Variants in RALGAPA2 observed in about 807,000 individuals in gnomAD.
The protein encoded by RALGAPA2 is ral GTPase-activating protein subunit alpha-2.
Under a neutral mutation model 230.4 loss-of-function variants are expected in RALGAPA2, and 139 were observed. The observed-to-expected ratio is 0.60, with a 90% CI of 0.53 to 0.69. The LOEUF (loss-of-function observed/expected upper bound fraction) is 0.69. Among genes scored for constraint, RALGAPA2 ranks in the 30% least tolerant of loss-of-function variants. The probability of loss-of-function intolerance (pLI) is 0.00; values close to 1 mark genes in which losing one functional copy is unlikely to be tolerated. For synonymous variants in RALGAPA2, 847 were observed against 837.8 expected, an observed-to-expected ratio of 1.01 and a Z score of -0.19; for missense variants, 2,163 against 2,276.0, an observed-to-expected ratio of 0.95 and a Z score of 1.01.
chr20:20,536,030 A>C (rs568767239), intron 25 of RALGAPA2, among the ~76,000 whole-genome samples: 1 of 152,282 alleles, frequency 6.6e-6, no homozygotes, highest in South Asian at 2.1e-4. Context: ...AGCCCGCGGG[A>C]GTAGAGCGCT....
intron 38 of RALGAPA2, among the ~76,000 whole-genome samples, chr20:20,406,980 A>G (rs996928423): frequency 9.9e-5 from 15 of 152,236 alleles, no homozygotes; most frequent in African/African-American, 3.4e-4. Context: ...AAGAGCTGGT[A>G]GCTACGGCTC....
chr20:20,415,771 G>C (rs1000664377), intron 37 of RALGAPA2, among the ~76,000 whole-genome samples: 3 of 152,126 alleles, frequency 2.0e-5, no homozygotes, highest in Non-Finnish European at 4.4e-5. Flanking sequence ...TACTAAAGAG[G>C]TTATACGCCT....
At chr20:20,547,119 G>C (rs924545345) in intron 23 of RALGAPA2, among the ~76,000 whole-genome samples, 38 of 152,120 alleles carry the variant, frequency 2.5e-4, no homozygotes, top group African/African-American at 8.9e-4. Flanking sequence ...TAGGCTCCTT[G>C]GACAAGCTAC....
intron 9 of RALGAPA2, among the ~76,000 whole-genome samples, chr20:20,631,640 C>A (rs2045002594): frequency 6.6e-6 from 1 of 152,184 alleles, no homozygotes; most frequent in African/African-American, 2.4e-5. Context: ...GAACACAGAT[C>A]TGCCAATAAC....
At chr20:20,503,947 A>G (rs964261027) in intron 34 of RALGAPA2, among the ~76,000 whole-genome samples, 3 of 152,200 alleles carry the variant, frequency 2.0e-5, no homozygotes, top group Non-Finnish European at 4.4e-5. Context: ...AATCCTTGCT[A>G]AACTGCCTTT....
intron 26 of RALGAPA2, 60 bp downstream of exon 26, chr20:20,535,685 C>G (rs1381343590): frequency 2.7e-5 from 41 of 1,514,432 alleles, no homozygotes; most frequent in Non-Finnish European, 3.6e-5. Context: ...ACATTAACTA[C>G]TTACACATAA....
intron 23 of RALGAPA2, among the ~76,000 whole-genome samples, chr20:20,560,062 C>T (rs1602795121): frequency 6.6e-6 from 1 of 152,122 alleles, no homozygotes; most frequent in East Asian, 1.9e-4. Flanking sequence ...AAGGCAGCCC[C>T]TGCCTTCCAG....
chr20:20,497,144 A>T (rs901422006), intron 35 of RALGAPA2, among the ~76,000 whole-genome samples: 3 of 152,152 alleles, frequency 2.0e-5, no homozygotes, highest in Non-Finnish European at 4.4e-5. Context: ...ACAAAATACA[A>T]CCCTGGGCCT....
chr20:20,583,644 C>A (rs907236475), intron 19 of RALGAPA2, among the ~76,000 whole-genome samples: 3 of 152,100 alleles, frequency 2.0e-5, no homozygotes, highest in Non-Finnish European at 4.4e-5. Context: ...ATGCTGTATG[C>A]CCCAAGCCTG....
At chr20:20,444,795 T>C (rs1414658899) in intron 37 of RALGAPA2, among the ~76,000 whole-genome samples, 1 of 152,242 alleles carries the variant, frequency 6.6e-6, no homozygotes, top group East Asian at 1.9e-4. Context: ...GTGACTTCCT[T>C]TTCCATAAGT....
chr20:20,509,672 G>A (rs1306575238), intron 33 of RALGAPA2, among the ~76,000 whole-genome samples: 1 of 152,126 alleles, frequency 6.6e-6, no homozygotes, highest in Non-Finnish European at 1.5e-5. Flanking sequence ...TGGGAGACAG[G>A]TGGGAAAGTA....
chr20:20,461,348 TA>T (rs2061298584), intron 37 of RALGAPA2, among the ~76,000 whole-genome samples: 1 of 152,240 alleles, frequency 6.6e-6, no homozygotes, highest in Non-Finnish European at 1.5e-5. Flanking sequence ...ATATTCTTAT[TA>T]AAATTGGTTT....
rs1393065059 is a variant in RALGAPA2, at chr20:20,616,039, T to C, written c.1688+4A>G. 1 of 1,482,778 alleles carries C rather than the reference T, an allele frequency of 6.7e-7. No homozygotes were observed. Among genetic ancestry groups the C allele is most frequent in the Admixed American group, 2.7e-5 (1 of 37,502 alleles). 91.9% of individuals were successfully genotyped at this position (1,482,778 alleles called of 1,614,324 possible). On this transcript the variant is annotated splice_donor_region_variant and intron_variant, in intron 13 of 39. Coordinates refer to ENST00000202677, the MANE Select transcript of RALGAPA2 (RefSeq NM_020343.4). ...CAATACTAATTAATTTGATATAAAC[T>C]TACCATGTCTTTTTATTCATTGTAA...
chr20:20,598,983 T>C (rs2065549947), intron 16 of RALGAPA2, among the ~76,000 whole-genome samples: 1 of 152,222 alleles, frequency 6.6e-6, no homozygotes, highest in African/African-American at 2.4e-5. Flanking sequence ...TTGTAGTCTC[T>C]AAATACAGCC....
intron 2 of RALGAPA2, among the ~76,000 whole-genome samples, chr20:20,678,053 C>A (rs1394479584): frequency 2.0e-5 from 3 of 152,032 alleles, no homozygotes; most frequent in African/African-American, 7.2e-5. Flanking sequence ...ATGCTATAAT[C>A]CAGGTGAGGA....
intron 35 of RALGAPA2, among the ~76,000 whole-genome samples, chr20:20,499,783 C>A (rs573225481): frequency 6.6e-6 from 1 of 152,186 alleles, no homozygotes; most frequent in Non-Finnish European, 1.5e-5. Context: ...TTGATCACTA[C>A]GGAAGTTGTC....
Position 20,605,184 on chromosome 20 carries a change from G to T in RALGAPA2, c.2029C>A (p.Arg677=), listed in dbSNP as rs199741379. 9 of 1,605,394 alleles carry T rather than the reference G, an allele frequency of 5.6e-6. No homozygotes were observed. Among genetic ancestry groups the T allele is most frequent in the Middle Eastern group, 1.7e-4 (1 of 6,044 alleles). Residue 677 remains arginine, a synonymous_variant, in exon 15 of 40, where the codon CGA becomes AGA. Coordinates refer to ENST00000202677, the MANE Select transcript of RALGAPA2 (RefSeq NM_020343.4). Reference sequence around the variant, plus strand: ...GGAAGAGTGGAAATACCTTTGCCTCGTTGCTTCTTTTCCTTTTGTTCACTT... The same window carrying T: ...GGAAGAGTGGAAATACCTTTGCCTCTTTGCTTCTTTTCCTTTTGTTCACTT... ...KLSEQKEKKQ[R]GKGCVLDPQK...
intron 1 of RALGAPA2, among the ~76,000 whole-genome samples, chr20:20,699,544 A>G (rs1448443029): frequency 6.6e-6 from 1 of 152,210 alleles, no homozygotes; most frequent in Non-Finnish European, 1.5e-5. Context: ...TAAAGAAGCA[A>G]TGTATGTCTT....
intron 4 of RALGAPA2, among the ~76,000 whole-genome samples, chr20:20,644,835 C>T (rs1268915402): frequency 1.2e-4 from 18 of 152,202 alleles, no homozygotes. Context: ...TCCCCATGTT[C>T]ATCCATTCTT....
Sources: gnomAD v4.1 joint callset for allele counts (sites outside exome capture counted in the v4.1 genomes callset) on GRCh38, gnomAD v4.1.1 for gene constraint, MANE v1.5 for transcripts, NCBI Gene and HGNC (gene_info 2026-07-23, HGNC 2026-07-21) for gene names.